The following BBOF1 variants were observed in gnomAD, a reference collection of about 807,000 sequenced individuals.
The protein encoded by BBOF1 is basal body orientation factor 1.
A neutral mutation model predicts 68.0 loss-of-function variants in BBOF1; 62 were observed. The observed-to-expected ratio is 0.91, with a 90% CI of 0.74 to 1.13. The LOEUF (loss-of-function observed/expected upper bound fraction) is 1.13. Among genes scored for constraint, BBOF1 ranks in the 50% most tolerant of loss-of-function variants. The pLI, the probability that BBOF1 is intolerant of heterozygous loss-of-function variation, is 0.00. For missense variants in BBOF1, 534 were observed against 600.1 expected (o/e 0.89, Z 1.15); for synonymous variants, 208 against 198.8 (o/e 1.05, Z -0.39).
rs753955209 is a variant in BBOF1 at position 74,045,599 on chromosome 14, G to A, written c.577-461G>A. 7.3e-4 allele frequency among the ~76,000 whole-genome samples: 111 copies of A among 152,166 alleles called. 1 individual carries two copies. Among genetic ancestry groups the A allele is most frequent in the East Asian group, 9.6e-4 (5 of 5,202 alleles). ...GTTGGGATTACAGGCGTGAGCCACC[G>A]CGCCCGGACAATGCTCATAGTAATT... is the stretch of plus-strand genomic sequence containing the variant. On this transcript the variant is annotated intron_variant, in intron 5 of 11. Transcript: ENST00000394009.
chr14:74,073,594 A>G (rs1322499399), intron 9 of BBOF1, among the ~76,000 whole-genome samples: 1 of 152,048 alleles, frequency 6.6e-6, no homozygotes, highest in East Asian at 1.9e-4. Context: ...TGACTGTTAC[A>G]TTACTGTGAG....
chr14:74,077,857 A>C (rs1375865269), intron 9 of BBOF1, among the ~76,000 whole-genome samples: 1 of 152,220 alleles, frequency 6.6e-6, no homozygotes, highest in Non-Finnish European at 1.5e-5. Flanking sequence ...TTGTTCACCT[A>C]CTTCAGAGTT....
intron 1 of BBOF1, among the ~76,000 whole-genome samples, chr14:74,021,794 C>T (rs965577880): frequency 6.6e-6 from 1 of 151,930 alleles, no homozygotes; most frequent in Admixed American, 6.6e-5. Context: ...GTAGTCCCAG[C>T]TACTCGGGAG....
At chr14:74,071,820 C>A (rs1389767481) in intron 9 of BBOF1, 1 of 1,537,706 alleles carries the variant, frequency 6.5e-7, no homozygotes, top group African/African-American at 1.4e-5. Context: ...GAAGAAGCAA[C>A]CTCCCATTCT....
At chr14:74,058,110 T>C (rs1595097023) in intron 11 of BBOF1, 1 of 162,666 alleles carries the variant, frequency 6.1e-6, no homozygotes, top group African/African-American at 2.4e-5. Context: ...GGCGGATCAT[T>C]AGGTCAGGAG....
At chr14:74,055,323 AT>A in intron 8 of BBOF1, 1 of 331,756 alleles carries the variant, frequency 3.0e-6, no homozygotes, top group Non-Finnish European at 5.7e-6. Context: ...TAATTTTTGT[AT>A]TTTTAGTAGA....
intron 1 of BBOF1, among the ~76,000 whole-genome samples, chr14:74,020,086 C>T (rs1430116044): frequency 6.6e-6 from 1 of 151,994 alleles, no homozygotes; most frequent in Non-Finnish European, 1.5e-5. Context: ...ATGGGAAGTA[C>T]CAAAAGAAAA....
intron 1 of BBOF1, among the ~76,000 whole-genome samples, chr14:74,022,326 T>A (rs1480560177): frequency 6.6e-6 from 1 of 152,142 alleles, no homozygotes; most frequent in African/African-American, 2.4e-5. Context: ...GGTAGGAGGA[T>A]CACTTGAGCC....
chr14:74,063,131 T>G (rs935201024), intron 11 of BBOF1, among the ~76,000 whole-genome samples: 2 of 152,162 alleles, frequency 1.3e-5, no homozygotes, highest in African/African-American at 4.8e-5. Context: ...TGTGCCATGC[T>G]TCTTCCTGCC....
chr14:74,075,689 G>T (rs1194783311), intron 9 of BBOF1, among the ~76,000 whole-genome samples: 1 of 151,730 alleles, frequency 6.6e-6, no homozygotes, highest in Non-Finnish European at 1.5e-5. Flanking sequence ...ATAAATATAA[G>T]TAATAGAGTA....
At chr14:74,079,695 G>C (rs2060652443) in intron 10 of BBOF1, among the ~76,000 whole-genome samples, 1 of 151,984 alleles carries the variant, frequency 6.6e-6, no homozygotes, top group African/African-American at 2.4e-5. Flanking sequence ...GCCTCCCAAA[G>C]TGCTGGGATT....
At chr14:74,049,565 G>T in intron 7 of BBOF1, 137 bp from the exon 8 acceptor site, 1 of 715,666 alleles carries the variant, frequency 1.4e-6, no homozygotes, top group South Asian at 2.2e-5. Flanking sequence ...AGGAGCCTGA[G>T]GTAGGAGAAT....
At chr14:74,073,334 G>A (rs1287008107) in intron 9 of BBOF1, among the ~76,000 whole-genome samples, 2 of 151,274 alleles carry the variant, frequency 1.3e-5, no homozygotes, top group African/African-American at 4.9e-5. Context: ...CGAACTCCTG[G>A]GCTCAAGTGA....
rs139139753 is a variant in BBOF1, at chr14:74,049,827, T to G, written c.918T>G (p.Phe306Leu). 5.0e-6 allele frequency: 8 copies of G among 1,614,094 alleles called. No homozygotes were observed. In the East Asian group the frequency reaches 1.6e-4, roughly 31 times the overall value. The change falls in exon 8 of 12, where the codon TTT becomes TTG. Residue 306 changes from phenylalanine (F) to leucine (L), a missense_variant. Transcript: ENST00000394009. Reference protein sequence around the residue: ...ETALSYMTKEFESEVLKLQQH... With the variant: ...ETALSYMTKELESEVLKLQQH... ...CTCTGAGTTACATGACCAAAGAGTT[T>G]GAGAGTGAAGTTTTAAAACTGCAGC...
rs532379080 is a variant in BBOF1 at position 74,078,134 on chromosome 14, ACTCCCAATT to A, written n.1380-59_1380-51del. ...TGCTATTCCACAACTTTATCTTAAAACTCCCAATTCTACTAATTCCTCTTGTACTTTCAG... is the reference window on the plus strand; with the variant it reads ...TGCTATTCCACAACTTTATCTTAAAACTACTAATTCCTCTTGTACTTTCAG... On this transcript the variant is annotated intron_variant and non_coding_transcript_variant, in intron 9 of 12. Transcript: ENST00000492026. The A allele has an allele frequency of 3.6e-4, 161 of 448,010 alleles. 1 individual carries two copies. The highest frequency in any genetic ancestry group is 2.9e-3 in the African/African-American group (142 of 49,512). The allele number at this position is 448,010 out of a possible 1,614,324, so 27.8% of individuals were successfully genotyped here. A position where few individuals can be genotyped will look rare whatever the true frequency, so the allele number is the denominator to read the frequency against.
intron 8 of BBOF1, among the ~76,000 whole-genome samples, chr14:74,052,964 CAT>C (rs2060101708): frequency 7.1e-6 from 1 of 140,610 alleles, no homozygotes; most frequent in Non-Finnish European, 1.6e-5. Context: ...TGCAGTGAGC[CAT>C]GGCTGCAGTG....
chr14:74,021,280 A>G (rs2059291287), intron 1 of BBOF1, among the ~76,000 whole-genome samples: 1 of 152,080 alleles, frequency 6.6e-6, no homozygotes, highest in Non-Finnish European at 1.5e-5. Context: ...ATAAATGATT[A>G]TGGTTTCTCA....
intron 3 of BBOF1, among the ~76,000 whole-genome samples, chr14:74,032,809 A>G (rs527566073): frequency 1.3e-5 from 2 of 152,136 alleles, no homozygotes; most frequent in African/African-American, 4.8e-5. Context: ...CATTTCTCTT[A>G]TTAGGAGCTA....
chr14:74,028,056 G>A (rs2059474116), intron 2 of BBOF1, among the ~76,000 whole-genome samples: 1 of 152,076 alleles, frequency 6.6e-6, no homozygotes, highest in Non-Finnish European at 1.5e-5. Flanking sequence ...AAAAGGGAAT[G>A]CCCTTTTTCT....
Sources: allele counts gnomAD v4.1 joint callset (sites outside exome capture counted in the v4.1 genomes callset), GRCh38; gene constraint gnomAD v4.1.1; transcripts MANE v1.5; gene names NCBI Gene and HGNC (gene_info 2026-07-23, HGNC 2026-07-21).